OR4N2: variants seen among roughly 807,000 people sequenced by gnomAD.
The protein encoded by OR4N2 is olfactory receptor family 4 subfamily N member 2.
For synonymous variants in OR4N2, 141 were observed against 140.4 expected (o/e 1.00, Z -0.03); for missense variants, 307 against 377.6 (o/e 0.81, Z 1.55).
intron 1 of OR4N2, among the ~76,000 whole-genome samples, chr14:19,820,783 C>T (rs1168385546): frequency 6.6e-6 from 1 of 152,262 alleles, no homozygotes; most frequent in Non-Finnish European, 1.5e-5. Flanking sequence ...CCTACCCCAA[C>T]CAAGCTCGAG....
In OR4N2 at chr14:19,828,239, C is replaced by T. The variant is rs1879775098; in HGVS notation, c.791C>T (p.Ala264Val). Residue 264 changes from alanine (A) to valine (V), a missense_variant, in exon 2 of 2, where the codon GCT becomes GTT. By Grantham distance (64) the Ala-to-Val change is moderately conservative. Transcript: ENST00000557677. ...TTCATCTACACGCGCCCCTTCAGGG[C>T]TTTCCCAGCTGACAAGGTGGTTTCT... is the stretch of plus-strand genomic sequence containing the variant. ...GIFIYTRPFR[A>V]FPADKVVSLF... is the part of the protein sequence containing the mutation. 1 of 1,614,154 alleles carries T rather than the reference C, an allele frequency of 6.2e-7. No individual in the cohort carries two copies. The highest frequency in any genetic ancestry group is 1.7e-5 in the Admixed American group (1 of 60,014).
At chr14:19,824,112 G>A (rs1271391589) in intron 1 of OR4N2, among the ~76,000 whole-genome samples, 2 of 152,238 alleles carry the variant, frequency 1.3e-5, no homozygotes, top group Non-Finnish European at 2.9e-5. Context: ...GGAGGGTATG[G>A]TACAGACTTT....
intron 1 of OR4N2, among the ~76,000 whole-genome samples, chr14:19,818,981 C>A (rs138612004): frequency 2.6e-4 from 40 of 152,336 alleles, no homozygotes; most frequent in African/African-American, 9.6e-4. Context: ...TTTGAAAATT[C>A]TTTTCTTTAA....
At chr14:19,807,519 A>C (rs1879194604) in intron 1 of OR4N2, among the ~76,000 whole-genome samples, 2 of 152,142 alleles carry the variant, frequency 1.3e-5, no homozygotes, top group African/African-American at 4.8e-5. Flanking sequence ...CAATCTCCCA[A>C]GATTGAATCC....
intron 1 of OR4N2, among the ~76,000 whole-genome samples, chr14:19,817,878 G>C (rs866069463): frequency 1.1e-4 from 16 of 152,328 alleles, no homozygotes; most frequent in African/African-American, 3.6e-4. Flanking sequence ...AGAGATTCTG[G>C]TACATTGTGT....
intron 1 of OR4N2, among the ~76,000 whole-genome samples, chr14:19,815,120 C>T (rs561381714): frequency 2.0e-5 from 3 of 152,296 alleles, no homozygotes; most frequent in African/African-American, 4.8e-5. Context: ...TGAACAGTGC[C>T]GCAGTAAACA....
At chr14:19,807,292 A>C (rs573917332) in intron 1 of OR4N2, among the ~76,000 whole-genome samples, 1 of 152,176 alleles carries the variant, frequency 6.6e-6, no homozygotes, top group East Asian at 1.9e-4. Context: ...TGAAACCAAT[A>C]ATTGGTCCTT....
chr14:19,825,767 C>T (rs374972727), intron 1 of OR4N2, among the ~76,000 whole-genome samples: 1 of 152,080 alleles, frequency 6.6e-6, no homozygotes, highest in South Asian at 2.1e-4. Flanking sequence ...ACCGTGTTAG[C>T]CAAGATGTTC....
chr14:19,819,784 A>C lies in OR4N2; in HGVS notation c.-9-7656A>C, dbSNP rs546349429. ...AGGTGTTCTGGTTTTTGGAATTTTC[A>C]GCCTTTTTGCTCTGGTTTTTCCTCA... On this transcript the variant is annotated intron_variant, in intron 1 of 1. Coordinates refer to ENST00000557677, the MANE Select transcript of OR4N2 (RefSeq NM_001004723.3). Among the ~76,000 whole-genome samples, 18 of 152,362 alleles carry C rather than the reference A, an allele frequency of 1.2e-4. No homozygotes were observed. In the East Asian group the frequency reaches 3.5e-3, roughly 29 times the overall value.
intron 1 of OR4N2, among the ~76,000 whole-genome samples, chr14:19,814,968 A>T (rs1879389066): frequency 6.6e-6 from 1 of 152,220 alleles, no homozygotes; most frequent in African/African-American, 2.4e-5. Context: ...GATGGTTTCC[A>T]GCTTCATCCA....
chr14:19,819,065 GGGC>G (rs545352073), intron 1 of OR4N2, among the ~76,000 whole-genome samples: 1,898 of 152,026 alleles, frequency 0.012, 10 homozygotes, highest in African/African-American at 0.043. Flanking sequence ...TTAGTCTGAT[GGGC>G]TTCCCTTTGT....
intron 1 of OR4N2, among the ~76,000 whole-genome samples, chr14:19,824,077 G>A (rs1879632836): frequency 6.6e-6 from 1 of 152,180 alleles, no homozygotes; most frequent in Non-Finnish European, 1.5e-5. Context: ...AGCTGAAATG[G>A]CAAGAAGGAT....
At chr14:19,825,760 G>C (rs10142266) in intron 1 of OR4N2, among the ~76,000 whole-genome samples, 41,867 of 148,584 alleles carry the variant, frequency 0.28, 2,910 homozygotes, top group African/African-American at 0.32. Context: ...GGGTTTCACC[G>C]TGTTAGCCAA....
intron 1 of OR4N2, among the ~76,000 whole-genome samples, chr14:19,816,220 T>C (rs1384975033): frequency 6.6e-6 from 1 of 152,274 alleles, no homozygotes; most frequent in African/African-American, 2.4e-5. Flanking sequence ...AAGTCGTTTT[T>C]TCTAATTCTG....
chr14:19,810,732 A>T (rs1416788326), intron 1 of OR4N2, among the ~76,000 whole-genome samples: 2 of 152,258 alleles, frequency 1.3e-5, no homozygotes, highest in Non-Finnish European at 2.9e-5. Flanking sequence ...CATTAGAAAA[A>T]ATTTTAAAAG....
At chr14:19,809,422 A>C (rs1447973152) in intron 1 of OR4N2, among the ~76,000 whole-genome samples, 1 of 152,212 alleles carries the variant, frequency 6.6e-6, no homozygotes, top group African/African-American at 2.4e-5. Context: ...AACCTACAGA[A>C]TGGGAGAAAA....
chr14:19,828,369 C>G lies in OR4N2; in HGVS notation c.921C>G (p.Ala307=). 2 of 1,580,784 alleles carry G rather than the reference C, an allele frequency of 1.3e-6. No individual in the cohort carries two copies. The highest frequency in any genetic ancestry group is 1.7e-6 in the Non-Finnish European group (2 of 1,168,810). Residue 307 remains alanine (A), a synonymous_variant, in exon 2 of 2, where the codon GCC becomes GCG. Coordinates refer to ENST00000557677, the MANE Select transcript of OR4N2 (RefSeq NM_001004723.3). ...SMKKVFNKHI[A] Reference sequence around the variant, plus strand: ...AAAAGGTGTTTAATAAGCACATAGCCTGAAAAAGGGCGCAAAAAAAAAAAG... The same window carrying G: ...AAAAGGTGTTTAATAAGCACATAGCGTGAAAAAGGGCGCAAAAAAAAAAAG...
intron 1 of OR4N2, among the ~76,000 whole-genome samples, chr14:19,825,853 C>A (rs1174078411): frequency 2.0e-5 from 3 of 152,200 alleles, no homozygotes; most frequent in African/African-American, 4.8e-5. Context: ...TCATCGTGCC[C>A]GGCCGCTAGA....
intron 1 of OR4N2, among the ~76,000 whole-genome samples, chr14:19,815,444 T>A (rs1409400172): frequency 6.6e-6 from 1 of 152,250 alleles, no homozygotes; most frequent in Admixed American, 6.5e-5. Flanking sequence ...TTTTTTTTCA[T>A]ATGTTTGTTG....
Sources: allele counts gnomAD v4.1 joint callset (sites outside exome capture counted in the v4.1 genomes callset), GRCh38; gene constraint gnomAD v4.1.1; transcripts MANE v1.5; gene names NCBI Gene and HGNC (gene_info 2026-07-23, HGNC 2026-07-21).